The following PTPRE variants were observed in gnomAD, a reference collection of about 807,000 sequenced individuals.
The protein encoded by PTPRE is receptor-type tyrosine-protein phosphatase epsilon.
Under a neutral mutation model 102.0 loss-of-function variants are expected in PTPRE, and 51 were observed. That is an observed-to-expected ratio of 0.50 (90% CI 0.40 to 0.63). The LOEUF is 0.63. Ranked by LOEUF, PTPRE falls within the 30% of genes least tolerant of loss-of-function variation. The probability of loss-of-function intolerance (pLI) is 0.00; values close to 1 mark genes in which losing one functional copy is unlikely to be tolerated. For synonymous variants in PTPRE, 345 were observed against 348.2 expected, an observed-to-expected ratio of 0.99 and a Z score of 0.10; for missense variants, 752 against 915.1, an observed-to-expected ratio of 0.82 and a Z score of 2.30.
intron 2 of PTPRE, among the ~76,000 whole-genome samples, chr10:128,039,738 G>C (rs1238260675): frequency 6.6e-6 from 1 of 152,042 alleles, no homozygotes; most frequent in African/African-American, 2.4e-5. Flanking sequence ...TCAGGCAGGA[G>C]GGCTGCTGGT....
At chr10:128,032,948 G>C (rs2135752220) in intron 2 of PTPRE, among the ~76,000 whole-genome samples, 1 of 152,282 alleles carries the variant, frequency 6.6e-6, no homozygotes, top group South Asian at 2.1e-4. Flanking sequence ...ATTAGAAAAG[G>C]CATATCAAGC....
At chr10:128,029,029 C>G (rs1470750482) in intron 2 of PTPRE, among the ~76,000 whole-genome samples, 1 of 152,190 alleles carries the variant, frequency 6.6e-6, no homozygotes, top group African/African-American at 2.4e-5. Flanking sequence ...GGTTATTTAC[C>G]TTATGGGGGC....
At chr10:127,943,089 C>T (rs539424893) in intron 1 of PTPRE, among the ~76,000 whole-genome samples, 6 of 152,316 alleles carry the variant, frequency 3.9e-5, no homozygotes, top group African/African-American at 9.6e-5. Flanking sequence ...CTCTGCCAGA[C>T]ATCCACACAT....
chr10:128,067,128 C>T (rs993002424), intron 11 of PTPRE, among the ~76,000 whole-genome samples: 1 of 129,924 alleles, frequency 7.7e-6, no homozygotes, highest in East Asian at 2.7e-4. Flanking sequence ...AATGCATGCA[C>T]GTTCACACAC....
At chr10:127,990,225 A>C (rs1852492209) in intron 2 of PTPRE, among the ~76,000 whole-genome samples, 1 of 151,980 alleles carries the variant, frequency 6.6e-6, no homozygotes, top group Non-Finnish European at 1.5e-5. Context: ...CAGCCTGGCC[A>C]GTATGGTAAA....
In PTPRE at chr10:128,085,139, GC is replaced by G. The variant is rs895503283; in HGVS notation, c.*2236del. On this transcript the variant is annotated 3_prime_UTR_variant, in exon 21 of 21. Coordinates refer to ENST00000254667, the MANE Select transcript of PTPRE (RefSeq NM_006504.6). ...CCCTCCACTGTCCGGGACAGCGTTC[GC>G]CCTTTAGCGGGGAGGTCATTACAGC... 21 of 455,884 alleles carry G rather than the reference GC, an allele frequency of 4.6e-5. No individual in the cohort carries two copies. The highest frequency in any genetic ancestry group is 4.5e-4 in the Admixed American group (19 of 42,532). The allele number at this position is 455,884 out of a possible 1,614,324, so 28.2% of individuals were successfully genotyped here. A position where few individuals can be genotyped will look rare whatever the true frequency, so the allele number is the denominator to read the frequency against.
chr10:127,924,129 TAGAG>T (rs1846829666), intron 1 of PTPRE, among the ~76,000 whole-genome samples: 1 of 152,172 alleles, frequency 6.6e-6, no homozygotes, highest in Non-Finnish European at 1.5e-5. Context: ...AGCTTTTTTG[TAGAG>T]AAAGAGTTTG....
chr10:128,009,779 G>A (rs1196040567), intron 2 of PTPRE, among the ~76,000 whole-genome samples: 1 of 152,208 alleles, frequency 6.6e-6, no homozygotes, highest in African/African-American at 2.4e-5. Context: ...TATCACCAAT[G>A]AAATGGAGGA....
intron 3 of PTPRE, among the ~76,000 whole-genome samples, chr10:128,043,797 C>A (rs1847893426): frequency 1.3e-5 from 2 of 152,126 alleles, no homozygotes; most frequent in Non-Finnish European, 2.9e-5. Flanking sequence ...AGCTATTAAA[C>A]AGAATGAGGA....
At chr10:128,027,490 C>G (rs1422433859) in intron 2 of PTPRE, among the ~76,000 whole-genome samples, 4 of 152,160 alleles carry the variant, frequency 2.6e-5, no homozygotes, top group Admixed American at 2.6e-4. Context: ...CATTTCCCTG[C>G]TGTAATCGTC....
chr10:128,079,428 A>T (rs74748087), intron 19 of PTPRE, 132 bp from the exon 20 acceptor site: 2 of 1,230,536 alleles, frequency 1.6e-6, no homozygotes, highest in Non-Finnish European at 2.2e-6. Flanking sequence ...TCAAAAAAAA[A>T]TTCAGTCAAA....
chr10:128,006,186 TC>T (rs957701890), intron 2 of PTPRE, among the ~76,000 whole-genome samples: 1 of 152,220 alleles, frequency 6.6e-6, no homozygotes, highest in Non-Finnish European at 1.5e-5. Context: ...GATGACCCAT[TC>T]CCACTGAAGG....
chr10:127,965,199 T>C (rs1230916373), intron 1 of PTPRE, among the ~76,000 whole-genome samples: 1 of 152,188 alleles, frequency 6.6e-6, no homozygotes, highest in Non-Finnish European at 1.5e-5. Context: ...TGGCAGGAAA[T>C]AGATGCTGAC....
chr10:128,057,894 CCATG>C (rs1849136327), intron 7 of PTPRE, among the ~76,000 whole-genome samples: 1 of 152,114 alleles, frequency 6.6e-6, no homozygotes, highest in Non-Finnish European at 1.5e-5. Context: ...GAAAGGAAGG[CCATG>C]GCAGGAGGAG....
At chr10:127,993,980 G>A (rs1852979830) in intron 2 of PTPRE, among the ~76,000 whole-genome samples, 1 of 152,174 alleles carries the variant, frequency 6.6e-6, no homozygotes, top group Non-Finnish European at 1.5e-5. Context: ...AGCAGAAGGT[G>A]GGCCAGGTGT....
rs977735205 is a variant in PTPRE, at chr10:128,043,057, G to A, written c.109+2067G>A. Among the ~76,000 whole-genome samples, 5 of 152,120 alleles carry A rather than the reference G, an allele frequency of 3.3e-5. No homozygotes were observed. In the East Asian group the frequency reaches 7.7e-4, roughly 23 times the overall value. On this transcript the variant is annotated intron_variant, in intron 3 of 20. Coordinates refer to ENST00000254667, the MANE Select transcript of PTPRE (RefSeq NM_006504.6). ...CCAGAGAAGAGAAACTGGCTCCATC[G>A]CACATTATGGGCAGCATTCCGCAAC...
chr10:127,959,115 C>T (rs1489304430), intron 1 of PTPRE, among the ~76,000 whole-genome samples: 10 of 152,170 alleles, frequency 6.6e-5, no homozygotes, highest in Non-Finnish European at 1.0e-4. Context: ...AGGCTGGTCT[C>T]GAACTCCCAA....
intron 2 of PTPRE, among the ~76,000 whole-genome samples, chr10:128,013,373 C>A (rs933412947): frequency 8.5e-5 from 13 of 152,152 alleles, no homozygotes; most frequent in Admixed American, 8.5e-4. Flanking sequence ...TGTTAGGAAA[C>A]CTGTTGGGAT....
chr10:127,974,972 C>T (rs1052113342), intron 1 of PTPRE, among the ~76,000 whole-genome samples: 8 of 152,052 alleles, frequency 5.3e-5, no homozygotes, highest in Admixed American at 2.0e-4. Flanking sequence ...GTTGTAGAGA[C>T]GTGAAGACAC....
Sources: gnomAD v4.1 joint callset for allele counts (sites outside exome capture counted in the v4.1 genomes callset) on GRCh38, gnomAD v4.1.1 for gene constraint, MANE v1.5 for transcripts, NCBI Gene and HGNC (gene_info 2026-07-23, HGNC 2026-07-21) for gene names.